The following CHST12 variants were observed in gnomAD, a reference collection of about 807,000 sequenced individuals.
CHST12 encodes carbohydrate sulfotransferase 12.
In CHST12, 23 loss-of-function variants were observed where a neutral mutation model predicts 27.9. The observed-to-expected ratio is 0.82, with a 90% CI of 0.59 to 1.17. CHST12 has a LOEUF of 1.17. Among genes scored for constraint, CHST12 ranks in the 50% most tolerant of loss-of-function variants. The pLI is 0.00. For missense variants in CHST12, 682 were observed against 603.0 expected, an observed-to-expected ratio of 1.13 and a Z score of -1.37; for synonymous variants, 322 against 273.0, an observed-to-expected ratio of 1.18 and a Z score of -1.77.
At chr7:2,423,073 A>C (rs2906181) in intron 1 of CHST12, among the ~76,000 whole-genome samples, 128,283 of 151,488 alleles carry the variant, frequency 0.85, 54,618 homozygotes, top group East Asian at 0.95. Flanking sequence ...GCCAGGAGTT[A>C]GAGACCAGCC....
chr7:2,419,525 G>A (rs573909413), intron 1 of CHST12, among the ~76,000 whole-genome samples: 1 of 151,898 alleles, frequency 6.6e-6, no homozygotes, highest in African/African-American at 2.4e-5. Flanking sequence ...TGGCCAACAT[G>A]GTGAAGCCCC....
chr7:2,432,294 C>T (rs1782292257), intron 1 of CHST12, among the ~76,000 whole-genome samples: 1 of 152,102 alleles, frequency 6.6e-6, no homozygotes, highest in Non-Finnish European at 1.5e-5. Flanking sequence ...TACTTTCCCG[C>T]CAGTGGCGAG....
rs565050870 is a variant in CHST12 at position 2,435,688 on chromosome 7, G to C, written c.*1804G>C. On this transcript the variant is annotated 3_prime_UTR_variant, in exon 2 of 2. Transcript: ENST00000618655. The stretch of plus-strand genomic sequence containing the variant: ...TACCCTGGTGTCCTCTGTGTGTGGT[G>C]TCCCTGTGTTTCCCAGGCTCAGGTG... 1.5e-4 allele frequency: 23 copies of C among 152,526 alleles called. No homozygotes were observed. Among genetic ancestry groups the C allele is most frequent in the African/African-American group, 5.5e-4 (23 of 41,582 alleles). The allele number at this position is 152,526 out of a possible 1,614,324, so 9.4% of individuals were successfully genotyped here. A position where few individuals can be genotyped will look rare whatever the true frequency, so the allele number is the denominator to read the frequency against.
intron 1 of CHST12, among the ~76,000 whole-genome samples, chr7:2,411,783 C>G (rs546544923): frequency 1.3e-5 from 2 of 152,148 alleles, no homozygotes; most frequent in African/African-American, 4.8e-5. Context: ...TGCCCAGCCA[C>G]GAATTGATTT....
Position 2,418,209 on chromosome 7 carries a change from T to C in CHST12, c.-77-14354T>C, listed in dbSNP as rs190312765. On this transcript the variant is annotated intron_variant, in intron 1 of 1. Coordinates refer to ENST00000618655, the MANE Select transcript of CHST12 (RefSeq NM_018641.5). ...GCCCCTGGCTTCATGCCCTGCATGT[T>C]GTGTGTGAGCAAAGAAATATTTAAC... Among the ~76,000 whole-genome samples, 19 of 152,350 alleles carry C rather than the reference T, an allele frequency of 1.2e-4. No individual in the cohort carries two copies. In the East Asian group the frequency reaches 3.5e-3, roughly 28 times the overall value.
rs758402020 is a variant in CHST12 at position 2,432,837 on chromosome 7, C to T, written c.198C>T (p.Val66=). 10 of 1,613,760 alleles carry T rather than the reference C, an allele frequency of 6.2e-6. No homozygotes were observed. Among genetic ancestry groups the T allele is most frequent in the African/African-American group, 4.0e-5 (3 of 74,928 alleles). ...RDRELTADSD[V]DEFLDKFLSA... ...GGGAGCTCACGGCCGACTCCGATGT[C>T]GACGAGTTTCTGGACAAGTTTCTCA... The change falls in exon 2 of 2, where the codon GTC becomes GTT. Residue 66 remains valine, a synonymous_variant. Transcript: ENST00000618655.
chr7:2,426,632 GT>G (rs1296680244), intron 1 of CHST12, among the ~76,000 whole-genome samples: 545 of 146,594 alleles, frequency 3.7e-3, no homozygotes, highest in African/African-American at 0.012. Context: ...TTAGCTGTAG[GT>G]TTTTTTTTTT....
At chr7:2,426,903 A>G (rs916996088) in intron 1 of CHST12, among the ~76,000 whole-genome samples, 3 of 152,122 alleles carry the variant, frequency 2.0e-5, no homozygotes, top group Non-Finnish European at 4.4e-5. Context: ...AGGCATGAGA[A>G]TCACTTGAAC....
rs1782608349 is a variant in CHST12 at position 2,441,661 on chromosome 7, C to G, written c.*7777C>G. ...TGAGCCATGATTGCACCACTGCATT[C>G]CAGCCTGGGTGACAGAGCAAGATCT... is the stretch of plus-strand genomic sequence containing the variant. On this transcript the variant is annotated 3_prime_UTR_variant, in exon 2 of 2. Transcript: ENST00000618655. 7.1e-6 allele frequency: 1 copy of G among 141,156 alleles called. No individual in the cohort carries two copies. The allele number at this position is 141,156 out of a possible 1,614,324, so 8.7% of individuals were successfully genotyped here.
chr7:2,416,889 C>T (rs1174263571), intron 1 of CHST12, among the ~76,000 whole-genome samples: 1 of 152,094 alleles, frequency 6.6e-6, no homozygotes, highest in Non-Finnish European at 1.5e-5. Flanking sequence ...GCCTTCTCCG[C>T]ACAGTAAATC....
intron 1 of CHST12, among the ~76,000 whole-genome samples, chr7:2,409,588 C>G (rs1030462825): frequency 3.3e-5 from 5 of 150,332 alleles, no homozygotes; most frequent in Admixed American, 6.6e-5. Context: ...TCACACTCCA[C>G]TCTAGCCTGG....
intron 1 of CHST12, among the ~76,000 whole-genome samples, chr7:2,419,489 C>G (rs1781906908): frequency 6.6e-6 from 1 of 150,916 alleles, no homozygotes; most frequent in Non-Finnish European, 1.5e-5. Flanking sequence ...GGTGGATTCC[C>G]TGAGGTCAGG....
At position 2,444,035 on chromosome 7, in the gene CHST12, A is replaced by C. The variant is rs1285835222; in HGVS notation, c.*10151A>C. 1 of 152,010 alleles carries C rather than the reference A, an allele frequency of 6.6e-6. No individual in the cohort carries two copies. The highest frequency in any genetic ancestry group is 2.4e-5 in the African/African-American group (1 of 41,394). The allele number at this position is 152,010 out of a possible 1,614,324, so 9.4% of individuals were successfully genotyped here. On this transcript the variant is annotated 3_prime_UTR_variant, in exon 2 of 2. Coordinates refer to ENST00000618655, the MANE Select transcript of CHST12 (RefSeq NM_018641.5). Reference sequence around the variant, plus strand: ...CGCGGTGGCTCACGCCTGTAATCCCAGCACTTTGGGAGGCCGAGGCGGGCG... The same window carrying C: ...CGCGGTGGCTCACGCCTGTAATCCCCGCACTTTGGGAGGCCGAGGCGGGCG...
rs149065423 is a variant in CHST12, at chr7:2,421,861, T to G, written c.-77-10702T>G. Among the ~76,000 whole-genome samples, 1,122 of 152,076 alleles carry G rather than the reference T, an allele frequency of 7.4e-3. 22 individuals carry two copies. Among genetic ancestry groups the G allele is most frequent in the African/African-American group, 0.022 (906 of 41,484 alleles). The stretch of plus-strand genomic sequence containing the variant: ...GATTACAGGCATGAGCCACCATAGC[T>G]GGCCCTAAAAGATATTATTAATACT... On this transcript the variant is annotated intron_variant, in intron 1 of 1. Transcript: ENST00000618655.
chr7:2,433,931 C>A lies in CHST12; in HGVS notation c.*47C>A. 1 of 1,505,414 alleles carries A rather than the reference C, an allele frequency of 6.6e-7. No homozygotes were observed. The highest frequency in any genetic ancestry group is 2.3e-5 in the East Asian group (1 of 43,918). The allele number at this position is 1,505,414 out of a possible 1,614,324, so 93.3% of individuals were successfully genotyped here. On this transcript the variant is annotated 3_prime_UTR_variant, in exon 2 of 2. Coordinates refer to ENST00000618655, the MANE Select transcript of CHST12 (RefSeq NM_018641.5). This position sits in a 1 kb window ranked among gnomAD's most constrained non-coding sequence, Gnocchi z 6.1. ...TCGCGTGCCTGGAACCTGACGCACG[C>A]GCACTCCAGTTTTTTTATGACCTAC...
chr7:2,441,502 G>C lies in CHST12; in HGVS notation c.*7618G>C, dbSNP rs1250516110. 6.6e-6 allele frequency: 1 copy of C among 152,000 alleles called. No homozygotes were observed. The highest frequency in any genetic ancestry group is 1.5e-5 in the Non-Finnish European group (1 of 68,068). The allele number at this position is 152,000 out of a possible 1,614,324, so 9.4% of individuals were successfully genotyped here. ...GAGCCCAGAAGTTTGAGACCAGTCTGGGCAACATAGTGGAAACTTGTCTCT... is the reference window on the plus strand; with the variant it reads ...GAGCCCAGAAGTTTGAGACCAGTCTCGGCAACATAGTGGAAACTTGTCTCT... On this transcript the variant is annotated 3_prime_UTR_variant, in exon 2 of 2. Coordinates refer to ENST00000618655, the MANE Select transcript of CHST12 (RefSeq NM_018641.5).
intron 1 of CHST12, among the ~76,000 whole-genome samples, chr7:2,430,530 C>T (rs187164026): frequency 1.0e-3 from 153 of 152,268 alleles, no homozygotes; most frequent in African/African-American, 1.4e-3. Context: ...GTTGGCCAGG[C>T]GGGTCTTGAA....
At chr7:2,422,988 T>A (rs1370504091) in intron 1 of CHST12, among the ~76,000 whole-genome samples, 1 of 151,904 alleles carries the variant, frequency 6.6e-6, no homozygotes, top group Non-Finnish European at 1.5e-5. Context: ...AGGATCTAGT[T>A]TTAAAAATAG....
chr7:2,416,675 C>T (rs1011301161), intron 1 of CHST12, among the ~76,000 whole-genome samples: 12 of 152,142 alleles, frequency 7.9e-5, no homozygotes, highest in African/African-American at 2.7e-4. Flanking sequence ...ATTGTAGGAT[C>T]TGTGGCCTGT....
Sources: gnomAD v4.1 joint callset for allele counts (sites outside exome capture counted in the v4.1 genomes callset) on GRCh38, gnomAD v4.1.1 for gene constraint, Gnocchi (gnomAD v3.1) non-coding constraint, MANE v1.5 for transcripts, NCBI Gene and HGNC (gene_info 2026-07-23, HGNC 2026-07-21) for gene names.